The following SHROOM3 variants were observed in gnomAD, a reference collection of about 807,000 sequenced individuals.
The protein encoded by SHROOM3 is shroom family member 3, also known as protein Shroom3.
SHROOM3 carries 47 observed loss-of-function variants against 138.6 expected under a neutral mutation model. The ratio of observed to expected loss-of-function variants is 0.34; its 90% confidence interval spans 0.27 to 0.43. The LOEUF (loss-of-function observed/expected upper bound fraction) is 0.43. SHROOM3 is among the 20% of genes least tolerant of loss of function. SHROOM3 has a pLI of 1.00. For synonymous variants in SHROOM3, 1,062 were observed against 1,063.3 expected (o/e 1.00, Z 0.02); for missense variants, 2,491 against 2,596.5 (o/e 0.96, Z 0.88).
chr4:76,488,950 G>T (rs1435282624), intron 1 of SHROOM3, among the ~76,000 whole-genome samples: 1 of 152,228 alleles, frequency 6.6e-6, no homozygotes, highest in African/African-American at 2.4e-5. Flanking sequence ...AGCCCAGGTG[G>T]TCTAGTTCCA....
At chr4:76,661,234 C>CTTTTTTTTTTTTTTTTTT (rs912334272) in intron 2 of SHROOM3, among the ~76,000 whole-genome samples, 4 of 146,020 alleles carry the variant, frequency 2.7e-5, no homozygotes, top group African/African-American at 7.5e-5. Flanking sequence ...AATCCATTTT[C>CTTTTTTTTTTTTTTTTTT]TTTTTTTTTT....
At chr4:76,690,591 G>T (rs922314720) in intron 2 of SHROOM3, among the ~76,000 whole-genome samples, 3 of 152,138 alleles carry the variant, frequency 2.0e-5, no homozygotes, top group Non-Finnish European at 2.9e-5. Context: ...TTAAATGTCC[G>T]TTTCCAGTTA....
rs370033081 is a variant in SHROOM3 at position 76,565,159 on chromosome 4, T to TAAA, written c.323+9396_323+9397insAAA. Among the ~76,000 whole-genome samples, 112 of 75,642 alleles carry TAAA rather than the reference T, an allele frequency of 1.5e-3. 2 individuals are homozygous for TAAA. Among genetic ancestry groups the TAAA allele is most frequent in the African/African-American group, 5.1e-3 (100 of 19,624 alleles). The allele number at this position is 75,642 out of a possible 152,430, so 49.6% of individuals were successfully genotyped here. On this transcript the variant is annotated intron_variant, in intron 2 of 10. Coordinates refer to ENST00000296043, the MANE Select transcript of SHROOM3 (RefSeq NM_020859.4). ...CTGGGTGACAGGGCGAGACTCCATT[T>TAAA]CAAAAAAAAAAAAAAAAAAAAAAGA...
At chr4:76,704,083 AAC>A in intron 2 of SHROOM3, among the ~76,000 whole-genome samples, 1 of 152,242 alleles carries the variant, frequency 6.6e-6, no homozygotes, top group Non-Finnish European at 1.5e-5. Context: ...TCTAGAAAGT[AAC>A]TAGAAGAAAA....
At chr4:76,463,301 A>G (rs1166005856) in intron 1 of SHROOM3, among the ~76,000 whole-genome samples, 1 of 152,220 alleles carries the variant, frequency 6.6e-6, no homozygotes, top group Non-Finnish European at 1.5e-5. Flanking sequence ...TTAACTTGAG[A>G]GAAATGATTT....
At position 76,741,181 on chromosome 4, in the gene SHROOM3, C is replaced by T; in HGVS notation, c.3008C>T (p.Ala1003Val). The change falls in exon 5 of 11, where the codon GCC becomes GTC. Residue 1003 changes from alanine (A) to valine (V), a missense_variant. Ala to Val is a moderately conservative substitution (Grantham distance 64). This residue lies in a region of SHROOM3 where 1,733 missense variants were observed against 1,661.6 expected (regional missense o/e 1.04). Transcript: ENST00000296043. This position sits in a 1 kb window ranked among gnomAD's most constrained non-coding sequence, Gnocchi z 6.2. ...GDLARPVPPA[A>V]RRGARRRLTP... is the part of the protein sequence containing the mutation. ...CTGGCCAGGCCCGTGCCCCCTGCCG[C>T]CCGGAGAGGTGCTCGCCGGCGCCTG... The T allele has an allele frequency of 6.3e-7, 1 of 1,592,110 alleles. No individual in the cohort carries two copies. The highest frequency in any genetic ancestry group is 1.1e-5 in the South Asian group (1 of 88,280).
rs576665632 is a variant in SHROOM3 at position 76,530,227 on chromosome 4, G to A, written c.169-25382G>A. 1.7e-3 allele frequency among the ~76,000 whole-genome samples: 254 copies of A among 152,268 alleles called. 2 individuals carry two copies. Among genetic ancestry groups the A allele is most frequent in the Non-Finnish European group, 9.3e-4 (63 of 68,024 alleles). ...CTACTGTTTCTGCTGTTTCGGCAAT[G>A]GGTTATTGTGATAACACAGAGATTA... On this transcript the variant is annotated intron_variant, in intron 1 of 10. Coordinates refer to ENST00000296043, the MANE Select transcript of SHROOM3 (RefSeq NM_020859.4).
intron 2 of SHROOM3, among the ~76,000 whole-genome samples, chr4:76,651,099 A>C (rs991411922): frequency 6.6e-6 from 1 of 150,592 alleles, no homozygotes; most frequent in Non-Finnish European, 1.5e-5. Context: ...GCTCATAAAC[A>C]TAGAGAGTAG....
At chr4:76,755,867 CAT>C (rs1721792012) in intron 7 of SHROOM3, among the ~76,000 whole-genome samples, 2 of 152,220 alleles carry the variant, frequency 1.3e-5, no homozygotes, top group South Asian at 4.1e-4. Context: ...TTCCCCAACA[CAT>C]AGTCCCTAGA....
chr4:76,604,709 T>C (rs763450190), intron 2 of SHROOM3, among the ~76,000 whole-genome samples: 9 of 152,268 alleles, frequency 5.9e-5, no homozygotes, highest in Non-Finnish European at 1.0e-4. Flanking sequence ...CACAACCATC[T>C]AAGGCAGTAT....
chr4:76,751,542 C>A (rs1453935648), intron 6 of SHROOM3, among the ~76,000 whole-genome samples: 5 of 152,196 alleles, frequency 3.3e-5, no homozygotes, highest in Admixed American at 6.5e-5. Context: ...ACATTCTCCA[C>A]TCTTTTTATC....
intron 2 of SHROOM3, among the ~76,000 whole-genome samples, chr4:76,661,112 G>T (rs1736175050): frequency 6.6e-6 from 1 of 151,942 alleles, no homozygotes; most frequent in Non-Finnish European, 1.5e-5. Context: ...TGTTTTTAAA[G>T]ATATTTTTAT....
chr4:76,772,173 A>G (rs1224598466), intron 10 of SHROOM3, among the ~76,000 whole-genome samples: 4 of 149,976 alleles, frequency 2.7e-5, no homozygotes. Flanking sequence ...GCGCAATCTA[A>G]GCTCACTGCA....
intron 1 of SHROOM3, among the ~76,000 whole-genome samples, chr4:76,473,007 G>T (rs972056614): frequency 2.0e-5 from 3 of 152,078 alleles, no homozygotes; most frequent in African/African-American, 7.2e-5. Flanking sequence ...ATGTTTCTTA[G>T]ACAAAGCATC....
chr4:76,471,403 C>T (rs1213506375), intron 1 of SHROOM3, among the ~76,000 whole-genome samples: 1 of 152,106 alleles, frequency 6.6e-6, no homozygotes, highest in Non-Finnish European at 1.5e-5. Context: ...ACCACCACGC[C>T]TGGCTAATTT....
intron 2 of SHROOM3, among the ~76,000 whole-genome samples, chr4:76,679,026 C>T (rs182605089): frequency 9.9e-5 from 15 of 152,234 alleles, no homozygotes; most frequent in Admixed American, 6.5e-4. Flanking sequence ...ATGAAGAAAT[C>T]GTTGGTGTAT....
chr4:76,644,032 C>G (rs991576411), intron 2 of SHROOM3, among the ~76,000 whole-genome samples: 1 of 151,750 alleles, frequency 6.6e-6, no homozygotes, highest in Non-Finnish European at 1.5e-5. Flanking sequence ...TTAGTAGAGA[C>G]AGGGTTTCAC....
chr4:76,494,505 G>A (rs963011692), intron 1 of SHROOM3, among the ~76,000 whole-genome samples: 1 of 152,090 alleles, frequency 6.6e-6, no homozygotes, highest in African/African-American at 2.4e-5. Flanking sequence ...GAGCAATGGC[G>A]GGGACCTCTC....
At chr4:76,719,443 C>CTAT (rs1720471550) in intron 3 of SHROOM3, among the ~76,000 whole-genome samples, 1 of 152,160 alleles carries the variant, frequency 6.6e-6, no homozygotes, top group Non-Finnish European at 1.5e-5. Context: ...AGAAGTTGTG[C>CTAT]TATTCTATTT....
Sources: allele counts gnomAD v4.1 joint callset (sites outside exome capture counted in the v4.1 genomes callset), GRCh38; gene constraint gnomAD v4.1.1; regional missense constraint gnomAD v4.1.1; non-coding constraint Gnocchi (gnomAD v3.1); transcripts MANE v1.5; gene names NCBI Gene and HGNC (gene_info 2026-07-23, HGNC 2026-07-21).